Variants in HYDIN observed in about 807,000 individuals in gnomAD.
The protein encoded by HYDIN is axonemal central pair apparatus protein HYDIN.
Under a neutral mutation model 403.9 loss-of-function variants are expected in HYDIN, and 132 were observed. That is an observed-to-expected ratio of 0.33 (90% CI 0.28 to 0.38). The LOEUF is 0.38. HYDIN is among the 10% of genes least tolerant of loss of function. The pLI, the probability that HYDIN is intolerant of heterozygous loss-of-function variation, is 1.00. For missense variants in HYDIN, 2,827 were observed against 5,009.5 expected (o/e 0.56, Z 13.15); for synonymous variants, 1,202 against 1,891.7 (o/e 0.64, Z 9.46).
At chr16:70,834,321 G>A (rs1304869326) in intron 78 of HYDIN, among the ~76,000 whole-genome samples, 157 bp from the exon 79 acceptor site, 1 of 150,552 alleles carries the variant, frequency 6.6e-6, no homozygotes, top group Admixed American at 6.6e-5. Flanking sequence ...TCAACTTTCT[G>A]TGACTTACTC....
At chr16:70,851,280 A>C (rs2143581540) in intron 73 of HYDIN, among the ~76,000 whole-genome samples, 1 of 150,732 alleles carries the variant, frequency 6.6e-6, no homozygotes, top group Admixed American at 6.6e-5. Context: ...CAAACAGAGA[A>C]AAAATGCAAC....
At chr16:70,883,329 G>T (rs111880319) in intron 59 of HYDIN, among the ~76,000 whole-genome samples, 3,054 of 131,094 alleles carry the variant, frequency 0.023, no homozygotes, top group Admixed American at 0.05. Context: ...CCATGAGCGG[G>T]ACTCAGTGCT....
At chr16:70,936,923 T>C (rs1040001615) in intron 44 of HYDIN, among the ~76,000 whole-genome samples, 7 of 151,606 alleles carry the variant, frequency 4.6e-5, no homozygotes, top group African/African-American at 1.5e-4. Flanking sequence ...CCACCCTCTC[T>C]TTCCCTTTCC....
intron 45 of HYDIN, among the ~76,000 whole-genome samples, chr16:70,930,152 AGTGTAGTGGCTG>A (rs1180144657): frequency 6.6e-6 from 1 of 152,138 alleles, no homozygotes; most frequent in Non-Finnish European, 1.5e-5. Flanking sequence ...TAGTCATGGC[AGTGTAGTGGCTG>A]GTGGCCACAC....
intron 1 of HYDIN, among the ~76,000 whole-genome samples, chr16:71,209,535 G>C (rs1006182268): frequency 2.0e-5 from 3 of 152,064 alleles, no homozygotes; most frequent in Non-Finnish European, 4.4e-5. Context: ...GTCCTGGCCA[G>C]AGCAATCAGG....
intron 75 of HYDIN, among the ~76,000 whole-genome samples, chr16:70,843,256 T>C (rs1240808143): frequency 1.4e-5 from 2 of 140,008 alleles, no homozygotes; most frequent in Non-Finnish European, 3.0e-5. Flanking sequence ...TGTGATCTCA[T>C]TGTTCAATTC....
intron 9 of HYDIN, among the ~76,000 whole-genome samples, chr16:71,116,230 CTTTTTTT>C (rs3051996): frequency 3.2e-4 from 31 of 97,690 alleles, no homozygotes; most frequent in South Asian, 2.0e-3. Flanking sequence ...TGAGTTAGAC[CTTTTTTT>C]TTTTTTTTTT....
At chr16:71,018,534 CACATT>C in intron 22 of HYDIN, 92 bp from the exon 23 acceptor site, 1 of 614,588 alleles carries the variant, frequency 1.6e-6, no homozygotes, top group Non-Finnish European at 2.9e-6. Context: ...TTTACACATA[CACATT>C]ACATGTATTT....
intron 23 of HYDIN, among the ~76,000 whole-genome samples, chr16:71,001,892 C>G (rs60452138): frequency 0.079 from 12,059 of 151,950 alleles, 423 homozygotes; most frequent in Middle Eastern, 0.14. Context: ...TAATTTTGTC[C>G]AATCTGGTGG....
chr16:70,937,233 G>C (rs1597366956), intron 44 of HYDIN, among the ~76,000 whole-genome samples: 1 of 150,672 alleles, frequency 6.6e-6, no homozygotes, highest in East Asian at 2.0e-4. Flanking sequence ...TCCACCATGA[G>C]ATGAATGCCT....
chr16:71,193,855 T>C (rs2087560107), intron 1 of HYDIN, among the ~76,000 whole-genome samples: 1 of 152,216 alleles, frequency 6.6e-6, no homozygotes, highest in Non-Finnish European at 1.5e-5. Flanking sequence ...CTATACTTTT[T>C]TTCTGCCATC....
chr16:70,836,766 C>A (rs986777801), intron 77 of HYDIN, among the ~76,000 whole-genome samples: 4 of 152,200 alleles, frequency 2.6e-5, no homozygotes, highest in Non-Finnish European at 5.9e-5. Flanking sequence ...TCTGTCCCAC[C>A]AGTCATGAGC....
At position 71,011,858 on chromosome 16, in the gene HYDIN, G is replaced by C. The variant is rs560822318; in HGVS notation, c.3644+6271C>G. 4.9e-3 allele frequency among the ~76,000 whole-genome samples: 745 copies of C among 151,232 alleles called. 3 individuals carry two copies. Among genetic ancestry groups the C allele is most frequent in the Non-Finnish European group, 7.8e-3 (533 of 67,936 alleles). ...CCCTCCTCTTCCAATCTCCATATTG[G>C]CTGGCTGGCGCTCATCATAGAAAAA... is the stretch of plus-strand genomic sequence containing the variant. On this transcript the variant is annotated intron_variant, in intron 23 of 85. Transcript: ENST00000393567.
At chr16:70,990,978 T>C (rs916049097) in intron 25 of HYDIN, among the ~76,000 whole-genome samples, 6 of 152,276 alleles carry the variant, frequency 3.9e-5, no homozygotes, top group African/African-American at 1.4e-4. Flanking sequence ...CATCTTTGTA[T>C]GCACATCTTT....
At chr16:71,028,770 T>C (rs1288006976) in intron 19 of HYDIN, among the ~76,000 whole-genome samples, 2 of 152,218 alleles carry the variant, frequency 1.3e-5, no homozygotes, top group Non-Finnish European at 1.5e-5. Flanking sequence ...GGTATAACCA[T>C]TTCTAGCTAC....
At position 70,982,514 on chromosome 16, in the gene HYDIN, G is replaced by A. The variant is rs552973888; in HGVS notation, c.4333-946C>T. 6.6e-3 allele frequency among the ~76,000 whole-genome samples: 889 copies of A among 135,368 alleles called. 15 individuals carry two copies. The highest frequency in any genetic ancestry group is 0.024 in the African/African-American group (751 of 31,484). The allele number at this position is 135,368 out of a possible 152,430, so 88.8% of individuals were successfully genotyped here. Reference sequence around the variant, plus strand: ...TGAAGAAGGAAATTTATGAACCAACGATCACTTAACAAAGGTGCAAAAATT... The same window carrying A: ...TGAAGAAGGAAATTTATGAACCAACAATCACTTAACAAAGGTGCAAAAATT... On this transcript the variant is annotated intron_variant, in intron 28 of 85. Coordinates refer to ENST00000393567, the MANE Select transcript of HYDIN (RefSeq NM_001270974.2).
chr16:71,028,445 G>C (rs2080790709), intron 19 of HYDIN, among the ~76,000 whole-genome samples: 1 of 151,886 alleles, frequency 6.6e-6, no homozygotes, highest in African/African-American at 2.4e-5. Context: ...TGTTCATCAT[G>C]CATTCATATA....
At position 70,834,722 on chromosome 16, in the gene HYDIN, C is replaced by A. The variant is rs145922250; in HGVS notation, c.13402-558G>T. ...AATTAGACGGGCTTTGTGGTTTATG[C>A]CTGTAGTCCCAGCTACTCAGGAGGC... On this transcript the variant is annotated intron_variant, in intron 78 of 85. Transcript: ENST00000393567. Among the ~76,000 whole-genome samples, 39 of 151,922 alleles carry A rather than the reference C, an allele frequency of 2.6e-4. No homozygotes were observed. The East Asian group carries it at 7.7e-3, about 30-fold the overall frequency.
intron 7 of HYDIN, among the ~76,000 whole-genome samples, chr16:71,139,048 C>T (rs1360460712): frequency 5.5e-5 from 8 of 146,164 alleles, no homozygotes; most frequent in Admixed American, 3.5e-4. Context: ...CGTCCCATTG[C>T]ACTCTACCCT....
Sources: allele counts gnomAD v4.1 joint callset (sites outside exome capture counted in the v4.1 genomes callset), GRCh38; gene constraint gnomAD v4.1.1; transcripts MANE v1.5; gene names NCBI Gene and HGNC (gene_info 2026-07-23, HGNC 2026-07-21).